Variants in COMMD6 observed in about 807,000 individuals in gnomAD.
The protein encoded by COMMD6 is COMM domain-containing protein 6.
A neutral mutation model predicts 13.4 loss-of-function variants in COMMD6; 11 were observed. The observed-to-expected ratio is 0.82, with a 90% confidence interval of 0.52 to 1.36. The LOEUF is 1.36. Ranked by LOEUF, COMMD6 falls within the 40% of genes most tolerant of loss-of-function variation. COMMD6 has a pLI of 0.00. For missense variants in COMMD6, 124 were observed against 102.4 expected (o/e 1.21, Z -0.91); for synonymous variants, 43 against 36.5 (o/e 1.18, Z -0.64).
upstream of COMMD6, among the ~76,000 whole-genome samples, chr13:75,543,340 GA>G (rs145192067): frequency 0.11 from 16,639 of 151,506 alleles, 1,141 homozygotes; most frequent in Non-Finnish European, 0.16. Context: ...AAGTTGGAAA[GA>G]AAAAAAACAG....
chr13:75,533,201 G>T (rs1006717456), intron 2 of COMMD6, among the ~76,000 whole-genome samples: 1 of 151,898 alleles, frequency 6.6e-6, no homozygotes, highest in Non-Finnish European at 1.5e-5. Flanking sequence ...CAAAGTGCTG[G>T]GATTACAGGC....
chr13:75,548,670 C>A (rs2030959982), intron 1 of COMMD6, among the ~76,000 whole-genome samples: 1 of 152,180 alleles, frequency 6.6e-6, no homozygotes, highest in Non-Finnish European at 1.5e-5. Context: ...TTCTGCATAT[C>A]TGATCATCCC....
In COMMD6 at chr13:75,525,759, A is replaced by C. The variant is rs957647837; in HGVS notation, c.*830T>G. On this transcript the variant is annotated 3_prime_UTR_variant, in exon 4 of 4. Coordinates refer to ENST00000682242, the MANE Select transcript of COMMD6 (RefSeq NM_203495.4). Reference sequence around the variant, plus strand: ...GGTGTGAAGAGGGTTTAAATTTCTAATATGGCGGACCAGAATGTCTTGATC... The same window carrying C: ...GGTGTGAAGAGGGTTTAAATTTCTACTATGGCGGACCAGAATGTCTTGATC... 4 of 152,270 alleles carry C rather than the reference A, an allele frequency of 2.6e-5. No homozygotes were observed. Among genetic ancestry groups the C allele is most frequent in the African/African-American group, 9.6e-5 (4 of 41,474 alleles). The allele number at this position is 152,270 out of a possible 1,614,324, so 9.4% of individuals were successfully genotyped here.
chr13:75,534,842 A>T (rs1468909303), intron 2 of COMMD6, among the ~76,000 whole-genome samples: 1 of 152,248 alleles, frequency 6.6e-6, no homozygotes, highest in Non-Finnish European at 1.5e-5. Context: ...CTGTCTATAT[A>T]GATAAAACTG....
At chr13:75,528,005 ACAC>A (rs2030326715) in intron 3 of COMMD6, among the ~76,000 whole-genome samples, 16 of 1,732 alleles carry the variant, frequency 9.2e-3, no homozygotes, top group African/African-American at 0.051. Context: ...CCCTCAGCAC[ACAC>A]ACACACACAC....
intron 2 of COMMD6, among the ~76,000 whole-genome samples, chr13:75,535,477 G>A (rs553069463): frequency 5.7e-4 from 87 of 152,308 alleles, no homozygotes; most frequent in South Asian, 1.5e-3. Context: ...AGAGAATGGC[G>A]GCTTGGACCC....
chr13:75,543,349 CA>C (rs2030855241), upstream of COMMD6, among the ~76,000 whole-genome samples: 1 of 151,668 alleles, frequency 6.6e-6, no homozygotes, highest in Non-Finnish European at 1.5e-5. Context: ...AGAAAAAAAA[CA>C]GCTGGAATAG....
chr13:75,537,839 G>T lies in COMMD6; in HGVS notation c.-34C>A. 6.4e-7 allele frequency: 1 copy of T among 1,572,856 alleles called. No homozygotes were observed. The highest frequency in any genetic ancestry group is 8.6e-7 in the Non-Finnish European group (1 of 1,157,576). ...TCTGGGACTTGCGGCCCGGACTCGA[G>T]AGAACGCCCCCAGACCAGCGCTTCC... On this transcript the variant is annotated 5_prime_UTR_variant, in exon 1 of 4. Transcript: ENST00000682242.
intron 2 of COMMD6, among the ~76,000 whole-genome samples, chr13:75,532,553 T>C (rs971478019): frequency 5.9e-5 from 9 of 152,202 alleles, no homozygotes; most frequent in Non-Finnish European, 8.8e-5. Flanking sequence ...TCTGTCTTGC[T>C]GGGTGCGGTG....
chr13:75,529,500 A>T (rs568117319), intron 3 of COMMD6, among the ~76,000 whole-genome samples: 1 of 147,872 alleles, frequency 6.8e-6, no homozygotes, highest in African/African-American at 2.5e-5. Flanking sequence ...CAGCCTGGGC[A>T]ACAGAGCGAG....
chr13:75,539,223 A>G (rs1232417720), upstream of COMMD6, among the ~76,000 whole-genome samples: 2 of 14,902 alleles, frequency 1.3e-4, no homozygotes, highest in East Asian at 0.032. Context: ...ATAACCAAAC[A>G]ATTAACTTTT....
chr13:75,531,378 T>A (rs1188627973), intron 2 of COMMD6, among the ~76,000 whole-genome samples: 2 of 152,198 alleles, frequency 1.3e-5, no homozygotes, highest in Admixed American at 6.5e-5. Flanking sequence ...TTTTGGGGTA[T>A]GGAATAGGGG....
chr13:75,544,464 T>TA (rs538629304), intron 1 of COMMD6, among the ~76,000 whole-genome samples: 4 of 152,058 alleles, frequency 2.6e-5, no homozygotes, highest in African/African-American at 4.8e-5. Flanking sequence ...AGTCTAGTGT[T>TA]AAAAAAAGTG....
intron 1 of COMMD6, among the ~76,000 whole-genome samples, chr13:75,547,650 T>G (rs1455944231): frequency 9.9e-5 from 15 of 152,200 alleles, no homozygotes; most frequent in Admixed American, 9.8e-4. Context: ...TACCAGACGG[T>G]GTAGGTTAAA....
chr13:75,530,471 A>C (rs1160838352), intron 2 of COMMD6: 1 of 367,284 alleles, frequency 2.7e-6, no homozygotes, highest in African/African-American at 2.1e-5. Flanking sequence ...CAGTTAAAAA[A>C]CACCATCATA....
upstream of COMMD6, among the ~76,000 whole-genome samples, chr13:75,539,759 C>T (rs61015249): frequency 0.015 from 2,210 of 152,104 alleles, 54 homozygotes; most frequent in African/African-American, 0.049. Flanking sequence ...TGGCATGTAG[C>T]ACTCGGAAAC....
At chr13:75,530,965 C>G (rs1193030911) in intron 2 of COMMD6, among the ~76,000 whole-genome samples, 2 of 152,216 alleles carry the variant, frequency 1.3e-5, no homozygotes, top group Non-Finnish European at 2.9e-5. Flanking sequence ...AAACATGCAG[C>G]TGTTAATACT....
intron 2 of COMMD6, among the ~76,000 whole-genome samples, chr13:75,531,139 C>A (rs2030464851): frequency 1.3e-5 from 2 of 152,192 alleles, no homozygotes; most frequent in South Asian, 2.1e-4. Flanking sequence ...CAAAAAACTT[C>A]ACTTGTTAAT....
intron 3 of COMMD6, 143 bp downstream of exon 3, chr13:75,529,971 T>C: frequency 3.2e-6 from 2 of 622,516 alleles, no homozygotes; most frequent in Non-Finnish European, 5.6e-6. Flanking sequence ...TTAATGTCTC[T>C]TGCATATACT....
Sources: gnomAD v4.1 joint callset for allele counts (sites outside exome capture counted in the v4.1 genomes callset) on GRCh38, gnomAD v4.1.1 for gene constraint, MANE v1.5 for transcripts, NCBI Gene and HGNC (gene_info 2026-07-23, HGNC 2026-07-21) for gene names.